The following ULK4 variants were observed in gnomAD, a reference collection of about 807,000 sequenced individuals.
ULK4 encodes the protein unc-51 like kinase 4.
Under a neutral mutation model 160.6 loss-of-function variants are expected in ULK4, and 133 were observed. That is an observed-to-expected ratio of 0.83 (90% CI 0.72 to 0.96). The LOEUF (loss-of-function observed/expected upper bound fraction) is 0.96, where lower values mean the gene tolerates loss of function less well. Among genes scored for constraint, ULK4 ranks in the 40% least tolerant of loss-of-function variants. The probability of loss-of-function intolerance (pLI) is 0.00; values close to 1 mark genes in which losing one functional copy is unlikely to be tolerated. For synonymous variants in ULK4, 534 were observed against 539.8 expected, an observed-to-expected ratio of 0.99 and a Z score of 0.15; for missense variants, 1,580 against 1,499.5, an observed-to-expected ratio of 1.05 and a Z score of -0.89.
chr3:41,436,274 T>A (rs900109431), intron 34 of ULK4, among the ~76,000 whole-genome samples: 2 of 152,194 alleles, frequency 1.3e-5, no homozygotes, highest in Non-Finnish European at 2.9e-5. Context: ...TTAGGGGTAT[T>A]AAATGCATTT....
At chr3:41,684,840 T>A (rs1043877125) in intron 27 of ULK4, among the ~76,000 whole-genome samples, 3 of 152,262 alleles carry the variant, frequency 2.0e-5, no homozygotes, top group Non-Finnish European at 4.4e-5. Flanking sequence ...GCACTTTTCT[T>A]ATTCTCAACA....
At chr3:41,271,329 T>C (rs2371486) in intron 35 of ULK4, among the ~76,000 whole-genome samples, 37,822 of 151,760 alleles carry the variant, frequency 0.25, 7,005 homozygotes, top group African/African-American at 0.52. Context: ...TATTCTTCTC[T>C]GGCTTCCTTC....
At chr3:41,858,914 A>G (rs2042435437) in intron 17 of ULK4, among the ~76,000 whole-genome samples, 1 of 152,194 alleles carries the variant, frequency 6.6e-6, no homozygotes, top group Non-Finnish European at 1.5e-5. Flanking sequence ...CTGTTGAGAC[A>G]GCTCTTCCCT....
chr3:41,707,269 G>T (rs371572114), intron 25 of ULK4, among the ~76,000 whole-genome samples: 3 of 152,106 alleles, frequency 2.0e-5, no homozygotes, highest in African/African-American at 7.2e-5. Context: ...AACAACTAGA[G>T]AAAAACAAAG....
At chr3:41,913,411 G>C (rs1176963187) in intron 8 of ULK4, among the ~76,000 whole-genome samples, 1 of 151,990 alleles carries the variant, frequency 6.6e-6, no homozygotes, top group African/African-American at 2.4e-5. Flanking sequence ...ATTTTTAGTA[G>C]AGACGGGATT....
intron 30 of ULK4, among the ~76,000 whole-genome samples, chr3:41,626,479 T>C: frequency 6.6e-6 from 1 of 151,848 alleles, no homozygotes; most frequent in East Asian, 1.9e-4. Flanking sequence ...ATAATTAAAA[T>C]GCAAATTTTA....
At chr3:41,855,788 GTTTC>G (rs1438016772) in intron 17 of ULK4, among the ~76,000 whole-genome samples, 3 of 152,158 alleles carry the variant, frequency 2.0e-5, no homozygotes, top group Non-Finnish European at 4.4e-5. Context: ...CTGTTTCCAT[GTTTC>G]TTTCATCTAG....
Position 41,254,503 on chromosome 3 carries a change from G to A in ULK4, c.3679-4929C>T, listed in dbSNP as rs1422864091. Among the ~76,000 whole-genome samples, 8 of 152,182 alleles carry A rather than the reference G, an allele frequency of 5.3e-5. No individual in the cohort carries two copies. In the East Asian group the frequency reaches 1.5e-3, roughly 29 times the overall value. ...GAAGGGGGCTAAAGCAATGCTTAGA[G>A]GGAAATCTATAGTACTAAATACTTA... On this transcript the variant is annotated intron_variant, in intron 35 of 36. Transcript: ENST00000301831.
intron 34 of ULK4, among the ~76,000 whole-genome samples, chr3:41,403,432 C>T (rs899981303): frequency 3.3e-5 from 5 of 152,160 alleles, no homozygotes; most frequent in African/African-American, 9.6e-5. Context: ...TGCAGATATA[C>T]ACTGACATCT....
At chr3:41,945,160 C>T (rs28534432) in intron 2 of ULK4, among the ~76,000 whole-genome samples, 7,035 of 152,280 alleles carry the variant, frequency 0.046, 319 homozygotes, top group African/African-American at 0.11. Flanking sequence ...TCTGCCATCA[C>T]AGCTATCACA....
At chr3:41,796,742 C>G (rs2040311208) in intron 20 of ULK4, among the ~76,000 whole-genome samples, 1 of 152,110 alleles carries the variant, frequency 6.6e-6, no homozygotes, top group Admixed American at 6.6e-5. Context: ...TATATTTTAT[C>G]TAGCTTTGAA....
intron 21 of ULK4, among the ~76,000 whole-genome samples, chr3:41,764,966 C>A (rs28542521): frequency 0.056 from 8,528 of 152,162 alleles, 428 homozygotes; most frequent in East Asian, 0.17. Flanking sequence ...GTGGGACTGT[C>A]AACTAGTTCA....
At chr3:41,401,896 T>C (rs2082188860) in intron 34 of ULK4, among the ~76,000 whole-genome samples, 1 of 152,202 alleles carries the variant, frequency 6.6e-6, no homozygotes, top group Non-Finnish European at 1.5e-5. Flanking sequence ...TGTGATATAC[T>C]GGAAAAATAA....
rs555711726 is a variant in ULK4, at chr3:41,266,847, T to C, written c.3679-17273A>G. Among the ~76,000 whole-genome samples the C allele has an allele frequency of 4.6e-5, 7 of 152,210 alleles. No individual in the cohort carries two copies. In the Middle Eastern group the frequency reaches 0.01, roughly 222 times the overall value. On this transcript the variant is annotated intron_variant, in intron 35 of 36. Transcript: ENST00000301831. ...GAAGTGCTTCATCCAAACAGCCTCCTTTACTTCCATGGTCCCTTAAAACCA... is the reference window on the plus strand; with the variant it reads ...GAAGTGCTTCATCCAAACAGCCTCCCTTACTTCCATGGTCCCTTAAAACCA...
chr3:41,573,297 C>T (rs895292790), intron 31 of ULK4, among the ~76,000 whole-genome samples: 1 of 152,014 alleles, frequency 6.6e-6, no homozygotes, highest in African/African-American at 2.4e-5. Flanking sequence ...AAGAGGACAG[C>T]TTTGAAATAC....
intron 32 of ULK4, among the ~76,000 whole-genome samples, chr3:41,518,889 A>T (rs2085838614): frequency 6.6e-6 from 1 of 152,248 alleles, no homozygotes. Context: ...CTTACAGAGA[A>T]AACAATTTAC....
At chr3:41,666,059 T>G (rs2035341827) in intron 29 of ULK4, among the ~76,000 whole-genome samples, 1 of 152,180 alleles carries the variant, frequency 6.6e-6, no homozygotes. Flanking sequence ...TTGTACAGTG[T>G]TTACTCCTCC....
chr3:41,741,675 T>C (rs746439328), intron 22 of ULK4, among the ~76,000 whole-genome samples: 1 of 151,904 alleles, frequency 6.6e-6, no homozygotes, highest in Non-Finnish European at 1.5e-5. Flanking sequence ...TTTTAAAAGG[T>C]TGCAGCAACT....
intron 35 of ULK4, among the ~76,000 whole-genome samples, chr3:41,357,329 T>C (rs1315264857): frequency 2.0e-5 from 3 of 152,096 alleles, no homozygotes; most frequent in Non-Finnish European, 1.5e-5. Flanking sequence ...AAGAAAGATA[T>C]CATAGGAAGA....
Sources: gnomAD v4.1 joint callset for allele counts (sites outside exome capture counted in the v4.1 genomes callset) on GRCh38, gnomAD v4.1.1 for gene constraint, MANE v1.5 for transcripts, NCBI Gene and HGNC (gene_info 2026-07-23, HGNC 2026-07-21) for gene names.